The following MCM3AP variants were observed in gnomAD, a reference collection of about 807,000 sequenced individuals.
MCM3AP encodes minichromosome maintenance complex component 3 associated protein.
Under a neutral mutation model 184.1 loss-of-function variants are expected in MCM3AP, and 126 were observed. The ratio of observed to expected loss-of-function variants is 0.68; its 90% confidence interval spans 0.59 to 0.79. The LOEUF (loss-of-function observed/expected upper bound fraction) is 0.79. Among genes scored for constraint, MCM3AP ranks in the 30% least tolerant of loss-of-function variants. The probability of loss-of-function intolerance (pLI) is 0.00; values close to 1 mark genes in which losing one functional copy is unlikely to be tolerated. For synonymous variants in MCM3AP, 1,002 were observed against 979.3 expected, an observed-to-expected ratio of 1.02 and a Z score of -0.43; for missense variants, 2,496 against 2,479.2, an observed-to-expected ratio of 1.01 and a Z score of -0.14.
intron 20 of MCM3AP, among the ~76,000 whole-genome samples, chr21:46,248,919 T>C (rs148154205): frequency 2.0e-5 from 3 of 151,970 alleles, no homozygotes; most frequent in Non-Finnish European, 2.9e-5. Context: ...ATCTATCTAA[T>C]AGAAGTTCAA....
intron 4 of MCM3AP, among the ~76,000 whole-genome samples, chr21:46,278,065 T>C (rs976169086): frequency 1.4e-4 from 21 of 151,998 alleles, no homozygotes; most frequent in African/African-American, 4.8e-4. Context: ...GTGAGAGGAT[T>C]GCTTGAGCCT....
intron 26 of MCM3AP, among the ~76,000 whole-genome samples, chr21:46,238,843 A>T (rs961887139): frequency 2.0e-5 from 3 of 152,384 alleles, no homozygotes; most frequent in Non-Finnish European, 2.9e-5. Flanking sequence ...TTCTAGGTAC[A>T]AGGAATATTG....
intron 20 of MCM3AP, chr21:46,247,281 G>A (rs1315864847): frequency 1.1e-5 from 2 of 175,408 alleles, no homozygotes; most frequent in African/African-American, 2.4e-5. Flanking sequence ...TAAAGAAAAC[G>A]TCAAATAACA....
chr21:46,238,099 CAA>C (rs1173445702), intron 26 of MCM3AP, among the ~76,000 whole-genome samples: 7 of 33,938 alleles, frequency 2.1e-4, no homozygotes, highest in Admixed American at 3.6e-4. Flanking sequence ...AACTCCATCT[CAA>C]AAAAAAAAAA....
chr21:46,264,828 C>T (rs2081088692), intron 12 of MCM3AP, among the ~76,000 whole-genome samples: 1 of 152,122 alleles, frequency 6.6e-6, no homozygotes, highest in African/African-American at 2.4e-5. Flanking sequence ...GCACACCCGC[C>T]AGGGGACACG....
chr21:46,256,700 C>T, intron 17 of MCM3AP, 89 bp downstream of exon 17: 1 of 1,445,528 alleles, frequency 6.9e-7, no homozygotes, highest in Non-Finnish European at 9.3e-7. Context: ...CCTATCTTCA[C>T]CCTCCAAACA....
chr21:46,242,433 T>C (rs2080683801), intron 25 of MCM3AP: 1 of 157,044 alleles, frequency 6.4e-6, no homozygotes, highest in Admixed American at 6.5e-5. Flanking sequence ...TTACCACTTA[T>C]TTTTCTATTA....
rs1019504882 is a variant in MCM3AP at position 46,270,688 on chromosome 21, C to T, written c.2466-125G>A. 11 of 839,590 alleles carry T rather than the reference C, an allele frequency of 1.3e-5. No individual in the cohort carries two copies. In the Admixed American group the frequency reaches 2.8e-4, roughly 21 times the overall value. The allele number at this position is 839,590 out of a possible 1,614,324, so 52.0% of individuals were successfully genotyped here. The stretch of plus-strand genomic sequence containing the variant: ...ATGCAGTGGCTCACACCTGTAATCC[C>T]AAAACGTGGGGAGGCCAAGGTGGGA... On this transcript the variant is annotated intron_variant, in intron 8 of 27. Transcript: ENST00000291688.
chr21:46,261,703 A>T (rs1234192707), intron 13 of MCM3AP, among the ~76,000 whole-genome samples: 1 of 149,414 alleles, frequency 6.7e-6, no homozygotes, highest in Admixed American at 6.8e-5. Flanking sequence ...ACTGTACTCC[A>T]GCCTGGGCGA....
chr21:46,285,321 T>A lies in MCM3AP; in HGVS notation c.-35A>T. ...CAATTATTAGAAGGTAATTAAGTAT[T>A]ATGTGTACAAAATTAATTGGCTTCC... On this transcript the variant is annotated 5_prime_UTR_variant, in exon 1 of 28. Transcript: ENST00000291688. The A allele has an allele frequency of 6.7e-7, 1 of 1,481,834 alleles. No homozygotes were observed. The highest frequency in any genetic ancestry group is 9.4e-7 in the Non-Finnish European group (1 of 1,067,136). The allele number at this position is 1,481,834 out of a possible 1,614,324, so 91.8% of individuals were successfully genotyped here. A position where few individuals can be genotyped will look rare whatever the true frequency, so the allele number is the denominator to read the frequency against.
In MCM3AP at chr21:46,273,380, G is replaced by A; in HGVS notation, c.2196+8C>T. The A allele has an allele frequency of 6.2e-7, 1 of 1,613,122 alleles. No individual in the cohort carries two copies. Among genetic ancestry groups the A allele is most frequent in the Non-Finnish European group, 8.5e-7 (1 of 1,179,162 alleles). Reference sequence around the variant, plus strand: ...TTTTTTAGCATCCAGGTTGGAGGCAGCCAATACCTTCCGTATGCCACGCGT... The same window carrying A: ...TTTTTTAGCATCCAGGTTGGAGGCAACCAATACCTTCCGTATGCCACGCGT... On this transcript the variant is annotated splice_region_variant and intron_variant, in intron 7 of 27. Coordinates refer to ENST00000291688, the MANE Select transcript of MCM3AP (RefSeq NM_003906.5).
At chr21:46,264,088 G>A in intron 13 of MCM3AP, 29 bp downstream of exon 13, 1 of 1,511,428 alleles carries the variant, frequency 6.6e-7, no homozygotes, top group South Asian at 1.1e-5. Flanking sequence ...GCAGCACGTA[G>A]CAGGAGGGGA....
At position 46,284,716 on chromosome 21, in the gene MCM3AP, G is replaced by C. The variant is rs1210917082; in HGVS notation, c.571C>G (p.Pro191Ala). 3 of 1,613,970 alleles carry C rather than the reference G, an allele frequency of 1.9e-6. No individual in the cohort carries two copies. Among genetic ancestry groups the C allele is most frequent in the Non-Finnish European group, 2.5e-6 (3 of 1,180,044 alleles). Residue 191 changes from proline to alanine, a missense_variant, in exon 1 of 28, where the codon CCT becomes GCT. Around this residue, in one of 5 missense-constraint regions of MCM3AP, gnomAD observed 800 missense variants for 717.1 expected, o/e 1.12. Coordinates refer to ENST00000291688, the MANE Select transcript of MCM3AP (RefSeq NM_003906.5). ...CTTGTTACTTGAGGAAAAGAGAAAGGGGCCAGGCCTCCAGGTGCACTACTA... is the reference window on the plus strand; with the variant it reads ...CTTGTTACTTGAGGAAAAGAGAAAGCGGCCAGGCCTCCAGGTGCACTACTA... Reference protein sequence around the residue: ...PISSAPGGLAPFSFPQVTSSS... With the variant: ...PISSAPGGLAAFSFPQVTSSS...
chr21:46,240,988 G>C lies in MCM3AP; in HGVS notation c.5456C>G (p.Ala1819Gly). The change falls in exon 26 of 28, where the codon GCA becomes GGA. Residue 1819 changes from alanine (A) to glycine (G), a missense_variant. Ala to Gly is a moderately conservative substitution (Grantham distance 60). Coordinates refer to ENST00000291688, the MANE Select transcript of MCM3AP (RefSeq NM_003906.5). Reference sequence around the variant, plus strand: ...AAGCAATGGTATGGGAAAATTGTTTGCAGAAGGATGAAAAGGCTTTATTGC... The same window carrying C: ...AAGCAATGGTATGGGAAAATTGTTTCCAGAAGGATGAAAAGGCTTTATTGC... ...RLAIKPFHPS[A>G]NNFPIPLLHM... is the part of the protein sequence containing the mutation. 1 of 1,613,854 alleles carries C rather than the reference G, an allele frequency of 6.2e-7. No homozygotes were observed. Among genetic ancestry groups the C allele is most frequent in the Non-Finnish European group, 8.5e-7 (1 of 1,179,952 alleles).
At chr21:46,249,468 CA>C (rs879401805) in intron 20 of MCM3AP, 2 of 396,438 alleles carry the variant, frequency 5.0e-6, no homozygotes, top group African/African-American at 2.1e-5. Flanking sequence ...GGATTACAGG[CA>C]TAAGCCACTA....
chr21:46,243,248 GGGGC>G (rs2080703776), intron 24 of MCM3AP, among the ~76,000 whole-genome samples: 1 of 152,120 alleles, frequency 6.6e-6, no homozygotes, highest in African/African-American at 2.4e-5. Context: ...GCCATCCTAG[GGGGC>G]CTGTTTCAGG....
At chr21:46,276,791 G>A (rs1480691675) in intron 5 of MCM3AP, among the ~76,000 whole-genome samples, 7 of 140,464 alleles carry the variant, frequency 5.0e-5, no homozygotes, top group Non-Finnish European at 1.1e-4. Context: ...AGGCTGGAGT[G>A]CAGTGGCACA....
rs1291002653 is a variant in MCM3AP, at chr21:46,237,546, C to T, written c.5634-567G>A. Among the ~76,000 whole-genome samples the T allele has an allele frequency of 2.9e-4, 21 of 72,506 alleles. 5 individuals carry two copies. Among genetic ancestry groups the T allele is most frequent in the African/African-American group, 1.2e-3 (21 of 16,852 alleles). The allele number at this position is 72,506 out of a possible 152,430, so 47.6% of individuals were successfully genotyped here. A position where few individuals can be genotyped will look rare whatever the true frequency, so the allele number is the denominator to read the frequency against. Reference sequence around the variant, plus strand: ...CCTCCCAAATACCTGGGACTAGAGGCGCATGCCACCCAGCTAATTTTTGTA... The same window carrying T: ...CCTCCCAAATACCTGGGACTAGAGGTGCATGCCACCCAGCTAATTTTTGTA... On this transcript the variant is annotated intron_variant, in intron 26 of 27. Transcript: ENST00000291688.
Position 46,270,639 on chromosome 21 carries a change from T to C in MCM3AP, c.2466-76A>G, listed in dbSNP as rs188598036. The C allele has an allele frequency of 9.4e-6, 12 of 1,279,742 alleles. No homozygotes were observed. The African/African-American group carries it at 1.6e-4, about 18-fold the overall frequency. 79.3% of individuals were successfully genotyped at this position (1,279,742 alleles called of 1,614,324 possible). A position where few individuals can be genotyped will look rare whatever the true frequency, so the allele number is the denominator to read the frequency against. On this transcript the variant is annotated intron_variant, in intron 8 of 27. Transcript: ENST00000291688. ...AAAATTTTCATGAAGATAGATCTGA[T>C]AAATAATAGATTTCACTGGCCAGAT...
Sources: allele counts gnomAD v4.1 joint callset (sites outside exome capture counted in the v4.1 genomes callset), GRCh38; gene constraint gnomAD v4.1.1; regional missense constraint gnomAD v4.1.1; transcripts MANE v1.5; gene names NCBI Gene and HGNC (gene_info 2026-07-23, HGNC 2026-07-21).